PHF14: variants seen among roughly 807,000 people sequenced by gnomAD.
The protein encoded by PHF14 is PHD finger protein 14.
PHF14 carries 55 observed loss-of-function variants against 117.9 expected under a neutral mutation model. The observed-to-expected ratio is 0.47, with a 90% CI of 0.38 to 0.58. The LOEUF is 0.58. Among genes scored for constraint, PHF14 ranks in the 20% least tolerant of loss-of-function variants. PHF14 has a pLI of 0.00. For missense variants in PHF14, 978 were observed against 1,122.2 expected, an observed-to-expected ratio of 0.87 and a Z score of 1.84; for synonymous variants, 409 against 368.6, an observed-to-expected ratio of 1.11 and a Z score of -1.26.
chr7:11,002,040 T>G (rs1210725754), intron 4 of PHF14, among the ~76,000 whole-genome samples: 2 of 138,964 alleles, frequency 1.4e-5, no homozygotes, highest in Non-Finnish European at 3.0e-5. Context: ...TCTGTTTGTG[T>G]TTTTTTTTTA....
At chr7:11,166,082 A>G (rs1411538122) in intron 17 of PHF14, among the ~76,000 whole-genome samples, 2 of 152,210 alleles carry the variant, frequency 1.3e-5, no homozygotes, top group African/African-American at 2.4e-5. Flanking sequence ...TTCACATATA[A>G]CTAGCAGATC....
At chr7:11,106,454 C>G (rs1252325510) in intron 16 of PHF14, 34 of 948,318 alleles carry the variant, frequency 3.6e-5, no homozygotes, top group Non-Finnish European at 4.3e-5. Context: ...GTAATTTGCA[C>G]TAAAATTGTT....
At chr7:11,001,400 A>T (rs969252102) in intron 4 of PHF14, among the ~76,000 whole-genome samples, 5 of 152,014 alleles carry the variant, frequency 3.3e-5, no homozygotes, top group East Asian at 1.9e-4. Context: ...CTCCATGTAA[A>T]CTTTAGAGTC....
intron 2 of PHF14, among the ~76,000 whole-genome samples, chr7:10,975,384 G>C (rs895316999): frequency 6.6e-6 from 1 of 152,064 alleles, no homozygotes; most frequent in African/African-American, 2.4e-5. Context: ...TCTTTTACTA[G>C]AATAAAATTG....
In PHF14 at chr7:10,982,908, A is replaced by C. The variant is rs1231505837; in HGVS notation, c.649A>C (p.Thr217Pro). ...DSEDDNDWRP[T>P]VVKRKGRSAS... ...TGAGGATGACAATGATTGGCGACCT[A>C]CTGTAGTAAAGAGAAAAGGGAGATC... Residue 217 changes from threonine to proline, a missense_variant, in exon 3 of 18, where the codon ACT (threonine) becomes CCT (proline). Physicochemically the swap from Thr to Pro is conservative, Grantham distance 38. Coordinates refer to ENST00000634607, the MANE Select transcript of PHF14 (RefSeq NM_001007157.2). The C allele has an allele frequency of 6.2e-7, 1 of 1,612,642 alleles. No individual in the cohort carries two copies. The highest frequency in any genetic ancestry group is 8.5e-7 in the Non-Finnish European group (1 of 1,179,130).
chr7:11,029,213 C>A (rs75290373), intron 7 of PHF14, among the ~76,000 whole-genome samples: 1,930 of 152,230 alleles, frequency 0.013, 42 homozygotes, highest in East Asian at 0.1. Context: ...TCTTTAGTAT[C>A]TCTGTTACTA....
At chr7:11,025,227 G>A (rs1286827213) in intron 6 of PHF14, among the ~76,000 whole-genome samples, 2 of 152,164 alleles carry the variant, frequency 1.3e-5, no homozygotes, top group African/African-American at 4.8e-5. Flanking sequence ...CAGATGAGAA[G>A]TTACTTCTCA....
intron 17 of PHF14, among the ~76,000 whole-genome samples, chr7:11,163,268 G>T (rs1429377155): frequency 6.6e-6 from 1 of 152,118 alleles, no homozygotes; most frequent in South Asian, 2.1e-4. Flanking sequence ...AATTAAATAT[G>T]CAACTTGTAT....
chr7:11,101,671 C>G (rs1787099619), intron 16 of PHF14, among the ~76,000 whole-genome samples: 1 of 151,788 alleles, frequency 6.6e-6, no homozygotes, highest in Admixed American at 6.6e-5. Context: ...CTTTATTTGT[C>G]TGTGTGCCAC....
intron 5 of PHF14, 91 bp downstream of exon 5, chr7:11,013,997 T>C (rs1278414360): frequency 1.3e-6 from 1 of 749,570 alleles, no homozygotes; most frequent in Admixed American, 2.8e-5. Flanking sequence ...TTACACACTT[T>C]CATTTGATTG....
At chr7:11,102,827 G>A (rs1325546851) in intron 16 of PHF14, 15 of 1,249,306 alleles carry the variant, frequency 1.2e-5, no homozygotes, top group Admixed American at 3.5e-5. Flanking sequence ...CTGGATACAT[G>A]TCTTGTCAGA....
intron 3 of PHF14, among the ~76,000 whole-genome samples, chr7:10,988,425 C>T (rs928940751): frequency 2.0e-5 from 3 of 151,844 alleles, no homozygotes; most frequent in Non-Finnish European, 4.4e-5. Context: ...ACCTTTTTTC[C>T]AGGGCTGAAT....
intron 16 of PHF14, among the ~76,000 whole-genome samples, chr7:11,094,471 C>T (rs971589147): frequency 6.6e-6 from 1 of 152,172 alleles, no homozygotes; most frequent in African/African-American, 2.4e-5. Flanking sequence ...CTACTTCTCT[C>T]TTACAAGAGC....
intron 17 of PHF14, among the ~76,000 whole-genome samples, chr7:11,123,465 T>C (rs1348494884): frequency 6.6e-6 from 1 of 152,138 alleles, no homozygotes; most frequent in East Asian, 1.9e-4. Flanking sequence ...AATGTTGGAC[T>C]CTTGAATTTT....
At chr7:11,036,886 C>T in intron 9 of PHF14, 99 bp from the exon 10 acceptor site, 1 of 975,014 alleles carries the variant, frequency 1.0e-6, no homozygotes, top group Non-Finnish European at 1.5e-6. Context: ...AAGTTTTAAA[C>T]TATGTAGGTT....
chr7:11,098,132 C>A (rs1786945797), intron 16 of PHF14, among the ~76,000 whole-genome samples: 1 of 151,990 alleles, frequency 6.6e-6, no homozygotes, highest in African/African-American at 2.4e-5. Context: ...TTTTAAATCA[C>A]CTATAATCTT....
intron 17 of PHF14, among the ~76,000 whole-genome samples, chr7:11,124,643 A>G (rs1787866401): frequency 6.6e-6 from 1 of 152,112 alleles, no homozygotes; most frequent in South Asian, 2.1e-4. Context: ...TGAGATTCAG[A>G]GAAGTTAAGG....
At chr7:11,048,843 A>G (rs1407711706) in intron 13 of PHF14, among the ~76,000 whole-genome samples, 12 of 152,186 alleles carry the variant, frequency 7.9e-5, no homozygotes, top group Admixed American at 7.9e-4. Flanking sequence ...TGAAATAGGA[A>G]TGGATATATT....
chr7:11,148,156 A>T (rs1038867562), intron 17 of PHF14, among the ~76,000 whole-genome samples: 30 of 152,074 alleles, frequency 2.0e-4, no homozygotes, highest in African/African-American at 5.6e-4. Context: ...TTATCTCTGT[A>T]TTTGTGTTCT....
Sources: gnomAD v4.1 joint callset for allele counts (sites outside exome capture counted in the v4.1 genomes callset) on GRCh38, gnomAD v4.1.1 for gene constraint, MANE v1.5 for transcripts, NCBI Gene and HGNC (gene_info 2026-07-23, HGNC 2026-07-21) for gene names.